The following PCSK5 variants were observed in gnomAD, a reference collection of about 807,000 sequenced individuals.
PCSK5 encodes the protein prohormone convertase 5.
In PCSK5, 129 loss-of-function variants were observed where a neutral mutation model predicts 233.2. The ratio of observed to expected loss-of-function variants is 0.55; its 90% confidence interval spans 0.48 to 0.64. PCSK5 has a LOEUF of 0.64. Among genes scored for constraint, PCSK5 ranks in the 30% least tolerant of loss-of-function variants. The pLI, the probability that PCSK5 is intolerant of heterozygous loss-of-function variation, is 0.00. For synonymous variants in PCSK5, 825 were observed against 879.2 expected, an observed-to-expected ratio of 0.94 and a Z score of 1.09; for missense variants, 2,076 against 2,430.1, an observed-to-expected ratio of 0.85 and a Z score of 3.06.
intron 21 of PCSK5, among the ~76,000 whole-genome samples, chr9:76,229,936 T>G (rs1826022903): frequency 6.6e-6 from 1 of 152,230 alleles, no homozygotes; most frequent in Non-Finnish European, 1.5e-5. Context: ...GCTCTTCCCC[T>G]GCAGAGATGA....
At chr9:76,147,864 G>A (rs1823502062) in intron 10 of PCSK5, among the ~76,000 whole-genome samples, 1 of 152,114 alleles carries the variant, frequency 6.6e-6, no homozygotes, top group Non-Finnish European at 1.5e-5. Flanking sequence ...AGCCACATCT[G>A]TTCTTTTTTC....
intron 35 of PCSK5, among the ~76,000 whole-genome samples, chr9:76,343,715 G>A (rs1829901177): frequency 6.6e-6 from 1 of 151,946 alleles, no homozygotes; most frequent in African/African-American, 2.4e-5. Context: ...TGATCCATTA[G>A]AGTCATCACT....
chr9:76,274,716 G>GT (rs375302921), intron 24 of PCSK5, among the ~76,000 whole-genome samples: 1 of 152,056 alleles, frequency 6.6e-6, no homozygotes, highest in East Asian at 1.9e-4. Context: ...TCTCAAAGGG[G>GT]TTTTTTTGTT....
At chr9:76,231,337 G>A (rs1005762834) in intron 21 of PCSK5, among the ~76,000 whole-genome samples, 2 of 152,030 alleles carry the variant, frequency 1.3e-5, no homozygotes, top group African/African-American at 2.4e-5. Flanking sequence ...CCCACGACTC[G>A]GATCATGAGA....
chr9:76,129,422 C>T (rs1822665864), intron 9 of PCSK5, among the ~76,000 whole-genome samples: 1 of 152,116 alleles, frequency 6.6e-6, no homozygotes, highest in Non-Finnish European at 1.5e-5. Context: ...TTTTAGGAAA[C>T]AGTTTCATTA....
At chr9:76,275,089 T>C (rs1827647430) in intron 24 of PCSK5, among the ~76,000 whole-genome samples, 1 of 151,540 alleles carries the variant, frequency 6.6e-6, no homozygotes, top group Middle Eastern at 3.2e-3. Flanking sequence ...GCCTCTAACA[T>C]TGGAGATAAA....
chr9:75,974,117 G>C (rs1825916128), intron 2 of PCSK5, among the ~76,000 whole-genome samples: 1 of 152,154 alleles, frequency 6.6e-6, no homozygotes, highest in African/African-American at 2.4e-5. Context: ...TCCTCTAATT[G>C]ACTGTGGTGG....
At chr9:76,286,861 C>A in intron 24 of PCSK5, 2 of 195,524 alleles carry the variant, frequency 1.0e-5, no homozygotes. Flanking sequence ...GGATCTTCCC[C>A]ATTTTACACT....
rs553795959 is a variant in PCSK5 at position 75,986,843 on chromosome 9, C to T, written c.411+598C>T. On this transcript the variant is annotated intron_variant, in intron 3 of 37. Transcript: ENST00000674117. Reference sequence around the variant, plus strand: ...TACTTAACATGTTGGGAAGAGTAATCCACCAGTTTACTTGGCATGGCCTCC... The same window carrying T: ...TACTTAACATGTTGGGAAGAGTAATTCACCAGTTTACTTGGCATGGCCTCC... Among the ~76,000 whole-genome samples the T allele has an allele frequency of 5.9e-5, 9 of 152,242 alleles. No homozygotes were observed. In the East Asian group the frequency reaches 1.7e-3, roughly 29 times the overall value.
intron 24 of PCSK5, among the ~76,000 whole-genome samples, chr9:76,242,067 A>G (rs1475132627): frequency 6.6e-6 from 1 of 152,174 alleles, no homozygotes; most frequent in East Asian, 1.9e-4. Flanking sequence ...TATTTGCCTT[A>G]CCCAATGGAT....
chr9:75,952,227 TTTC>T (rs1824894040), intron 2 of PCSK5, among the ~76,000 whole-genome samples: 1 of 152,234 alleles, frequency 6.6e-6, no homozygotes, highest in Non-Finnish European at 1.5e-5. Context: ...GTTTATGCTT[TTTC>T]TTCTTTTAAT....
At chr9:75,918,855 C>T (rs1823119476) in intron 1 of PCSK5, among the ~76,000 whole-genome samples, 1 of 152,148 alleles carries the variant, frequency 6.6e-6, no homozygotes. Flanking sequence ...TCAATTTGAT[C>T]ATATATTTTA....
intron 2 of PCSK5, among the ~76,000 whole-genome samples, chr9:75,936,900 C>T (rs541419638): frequency 3.1e-4 from 47 of 152,236 alleles, no homozygotes; most frequent in African/African-American, 1.1e-3. Flanking sequence ...TTCTTAAATA[C>T]ATTTGAAAGT....
At chr9:76,113,612 T>C (rs1265566793) in intron 9 of PCSK5, among the ~76,000 whole-genome samples, 1 of 152,150 alleles carries the variant, frequency 6.6e-6, no homozygotes, top group Non-Finnish European at 1.5e-5. Context: ...ACAAGCCAGC[T>C]CTGAGTTGAA....
intron 25 of PCSK5, among the ~76,000 whole-genome samples, chr9:76,293,051 T>C (rs891828509): frequency 6.6e-6 from 1 of 152,136 alleles, no homozygotes; most frequent in Admixed American, 6.5e-5. Flanking sequence ...AAACTGAAGC[T>C]CAGAGAGGGG....
chr9:76,137,292 G>T (rs1361381691), intron 10 of PCSK5, among the ~76,000 whole-genome samples: 1 of 152,066 alleles, frequency 6.6e-6, no homozygotes, highest in Non-Finnish European at 1.5e-5. Context: ...TAGGGACAGA[G>T]AACTTTCTTC....
chr9:76,297,768 G>C (rs1254245301), intron 27 of PCSK5, among the ~76,000 whole-genome samples: 3 of 152,232 alleles, frequency 2.0e-5, no homozygotes, highest in Admixed American at 6.5e-5. Flanking sequence ...GGCAGCCGAA[G>C]AGAGTGCTGT....
chr9:75,892,282 A>G (rs1431565016), intron 1 of PCSK5, among the ~76,000 whole-genome samples: 4 of 152,178 alleles, frequency 2.6e-5, no homozygotes, highest in Non-Finnish European at 5.9e-5. Flanking sequence ...TGGAAGCGTA[A>G]CAGATTTGGA....
intron 14 of PCSK5, among the ~76,000 whole-genome samples, chr9:76,175,931 A>T (rs567667180): frequency 3.3e-5 from 5 of 151,976 alleles, no homozygotes; most frequent in Admixed American, 1.3e-4. Flanking sequence ...AACACTCTGT[A>T]TGTTATTGTC....
Sources: gnomAD v4.1 joint callset for allele counts (sites outside exome capture counted in the v4.1 genomes callset) on GRCh38, gnomAD v4.1.1 for gene constraint, MANE v1.5 for transcripts, NCBI Gene and HGNC (gene_info 2026-07-23, HGNC 2026-07-21) for gene names.